Variants in PDE4B observed in about 807,000 individuals in gnomAD.
PDE4B encodes the protein 3',5'-cyclic-AMP phosphodiesterase 4B.
Under a neutral mutation model 82.2 loss-of-function variants are expected in PDE4B, and 20 were observed. The ratio of observed to expected loss-of-function variants is 0.24; its 90% CI spans 0.17 to 0.35. The LOEUF (loss-of-function observed/expected upper bound fraction) is 0.35. Among genes scored for constraint, PDE4B ranks in the 10% least tolerant of loss-of-function variants. PDE4B has a pLI of 1.00. For synonymous variants in PDE4B, 320 were observed against 318.9 expected (o/e 1.00, Z -0.04); for missense variants, 655 against 907.2 (o/e 0.72, Z 3.57).
intron 3 of PDE4B, among the ~76,000 whole-genome samples, chr1:65,929,602 A>G (rs1437887107): frequency 6.6e-6 from 1 of 152,168 alleles, no homozygotes. Context: ...GAGGTTCAGT[A>G]TTTGCTTCTG....
At chr1:65,833,909 T>C (rs1646111120) in intron 1 of PDE4B, among the ~76,000 whole-genome samples, 1 of 152,240 alleles carries the variant, frequency 6.6e-6, no homozygotes, top group Non-Finnish European at 1.5e-5. Flanking sequence ...TTCTAATTAC[T>C]TGGCTACATT....
chr1:66,276,003 G>C (rs1275584636), intron 7 of PDE4B, among the ~76,000 whole-genome samples: 1 of 151,912 alleles, frequency 6.6e-6, no homozygotes, highest in Non-Finnish European at 1.5e-5. Context: ...GAATCTTACA[G>C]GCAGCCAGGT....
chr1:66,090,621 A>ATATATATATATATATATATATATGTGTG, intron 3 of PDE4B, among the ~76,000 whole-genome samples: 3 of 122,730 alleles, frequency 2.4e-5, no homozygotes, highest in African/African-American at 8.2e-5. Flanking sequence ...TATATAATAT[A>ATATATATATATATATATATATATGTGTG]TGTGTGTGTG....
chr1:66,255,375 A>G (rs1654133407), intron 4 of PDE4B, among the ~76,000 whole-genome samples: 1 of 152,174 alleles, frequency 6.6e-6, no homozygotes, highest in African/African-American at 2.4e-5. Flanking sequence ...GGCATAAGCC[A>G]CCACGCCCAG....
chr1:66,194,114 C>T (rs1291612444), intron 3 of PDE4B, among the ~76,000 whole-genome samples: 1 of 152,000 alleles, frequency 6.6e-6, no homozygotes, highest in African/African-American at 2.4e-5. Flanking sequence ...GAAAACAGCT[C>T]ACATAATGAC....
intron 4 of PDE4B, among the ~76,000 whole-genome samples, chr1:66,253,862 G>A (rs577344345): frequency 7.9e-5 from 12 of 152,242 alleles, no homozygotes; most frequent in African/African-American, 2.6e-4. Context: ...CTGGGCATCT[G>A]TAAAATCCAT....
At chr1:66,257,291 A>G in intron 4 of PDE4B, 1 of 387,162 alleles carries the variant, frequency 2.6e-6, no homozygotes, top group Non-Finnish European at 5.0e-6. Flanking sequence ...CCCTGTGAGC[A>G]GCCCTCCCTT....
At chr1:65,828,670 A>C (rs1646046863) in intron 1 of PDE4B, among the ~76,000 whole-genome samples, 2 of 152,170 alleles carry the variant, frequency 1.3e-5, no homozygotes, top group South Asian at 4.1e-4. Context: ...GATGGGAGGG[A>C]GGAATTAGGA....
intron 7 of PDE4B, among the ~76,000 whole-genome samples, chr1:66,303,966 C>T (rs1442043313): frequency 6.6e-6 from 1 of 152,132 alleles, no homozygotes; most frequent in Non-Finnish European, 1.5e-5. Flanking sequence ...GACACCATCA[C>T]ACCACTGAAA....
intron 8 of PDE4B, chr1:66,354,828 G>T (rs537326937): frequency 6.5e-7 from 1 of 1,535,582 alleles, no homozygotes; most frequent in South Asian, 1.2e-5. Flanking sequence ...GTGGATTGTG[G>T]CAAGGAGAGC....
intron 7 of PDE4B, among the ~76,000 whole-genome samples, chr1:66,303,876 A>G (rs534925332): frequency 6.6e-6 from 1 of 152,248 alleles, no homozygotes; most frequent in South Asian, 2.1e-4. Context: ...TAGCTATCAG[A>G]TGTCAGTTTT....
intron 3 of PDE4B, among the ~76,000 whole-genome samples, chr1:66,228,431 T>C (rs994521795): frequency 3.9e-5 from 6 of 152,142 alleles, no homozygotes; most frequent in Non-Finnish European, 7.4e-5. Context: ...AAGACCATCC[T>C]GGCTAACACA....
At chr1:66,316,623 G>T (rs1157099950) in intron 7 of PDE4B, among the ~76,000 whole-genome samples, 1 of 152,168 alleles carries the variant, frequency 6.6e-6, no homozygotes, top group Non-Finnish European at 1.5e-5. Context: ...CATTTATGTT[G>T]GCAGGATTTC....
chr1:66,328,735 C>G (rs1258359606), intron 7 of PDE4B, among the ~76,000 whole-genome samples: 1 of 152,190 alleles, frequency 6.6e-6, no homozygotes, highest in East Asian at 1.9e-4. Flanking sequence ...GTGACCATTG[C>G]TGCCCTCCAT....
intron 3 of PDE4B, among the ~76,000 whole-genome samples, chr1:65,951,521 A>C (rs1648998789): frequency 1.3e-5 from 2 of 152,082 alleles, no homozygotes. Flanking sequence ...AGGGTCTGGA[A>C]GTAAGTCATT....
At chr1:66,287,574 C>A (rs138138252) in intron 7 of PDE4B, among the ~76,000 whole-genome samples, 5 of 152,322 alleles carry the variant, frequency 3.3e-5, no homozygotes, top group Admixed American at 6.5e-5. Context: ...AGACTCCAGA[C>A]TTTCCTTGCC....
chr1:65,955,685 A>G (rs1649224346), intron 3 of PDE4B, among the ~76,000 whole-genome samples: 1 of 152,124 alleles, frequency 6.6e-6, no homozygotes, highest in Non-Finnish European at 1.5e-5. Flanking sequence ...GCTTACCTGT[A>G]TTTGTCACTC....
chr1:66,353,578 C>A (rs997778224), intron 8 of PDE4B, among the ~76,000 whole-genome samples: 1 of 151,906 alleles, frequency 6.6e-6, no homozygotes, highest in Non-Finnish European at 1.5e-5. Flanking sequence ...CCTGGGAGTA[C>A]AGGGGTAGGG....
At chr1:66,369,110 T>G (rs1343856971) in intron 16 of PDE4B, 141 bp downstream of exon 16, 4 of 619,384 alleles carry the variant, frequency 6.5e-6, no homozygotes, top group Non-Finnish European at 1.0e-5. Context: ...TCCATTATAG[T>G]CAGGACTCAT....
Sources: allele counts gnomAD v4.1 joint callset (sites outside exome capture counted in the v4.1 genomes callset), GRCh38; gene constraint gnomAD v4.1.1; transcripts MANE v1.5; gene names NCBI Gene and HGNC (gene_info 2026-07-23, HGNC 2026-07-21).